The following SLF1 variants were observed in gnomAD, a reference collection of about 807,000 sequenced individuals.
SLF1 encodes SMC5-SMC6 complex localization factor protein 1.
A neutral mutation model predicts 123.0 loss-of-function variants in SLF1; 105 were observed. The ratio of observed to expected loss-of-function variants is 0.85; its 90% CI spans 0.73 to 1.00. SLF1 has a LOEUF of 1.00. Among genes scored for constraint, SLF1 ranks in the 50% least tolerant of loss-of-function variants. SLF1 has a pLI of 0.00. For synonymous variants in SLF1, 434 were observed against 406.6 expected (o/e 1.07, Z -0.81); for missense variants, 1,239 against 1,223.0 (o/e 1.01, Z -0.20).
rs753993520 is a variant in SLF1 at position 94,689,514 on chromosome 5, T to G, written c.2327T>G (p.Leu776Trp). 6.2e-7 allele frequency: 1 copy of G among 1,612,564 alleles called. No individual in the cohort carries two copies. Among genetic ancestry groups the G allele is most frequent in the Admixed American group, 1.7e-5 (1 of 59,910 alleles). Residue 776 changes from leucine to tryptophan, a missense_variant, in exon 18 of 21, where the codon TTG becomes TGG. Transcript: ENST00000265140. ...LAKCSSSLKK[L>W]KKKSEGELSC... ...AAATGTTCCTCATCATTAAAAAAATTGAAAAAGAAGTCAGAAGGAGAATTG... is the reference window on the plus strand; with the variant it reads ...AAATGTTCCTCATCATTAAAAAAATGGAAAAAGAAGTCAGAAGGAGAATTG...
In SLF1 at chr5:94,692,160, G is replaced by C. The variant is rs1215647972; in HGVS notation, c.2599G>C (p.Val867Leu). 3 of 1,613,926 alleles carry C rather than the reference G, an allele frequency of 1.9e-6. No individual in the cohort carries two copies. The highest frequency in any genetic ancestry group is 2.5e-6 in the Non-Finnish European group (3 of 1,179,852). Residue 867 changes from valine to leucine, a missense_variant, in exon 20 of 21, where the codon GTA becomes CTA. By Grantham distance (32) the Val-to-Leu change is conservative. Transcript: ENST00000265140. ...GGAAATTTTGCAACGTTGTCCAGAG[G>C]TAGATCTGCTCACTCAAGTGGACGG... ...VQEILQRCPE[V>L]DLLTQVDGVT...
intron 5 of SLF1, among the ~76,000 whole-genome samples, chr5:94,644,436 C>T (rs192881900): frequency 1.8e-3 from 269 of 152,274 alleles, no homozygotes; most frequent in African/African-American, 5.8e-3. Flanking sequence ...ATCTCTAATA[C>T]GGCTTACAAG....
At chr5:94,661,943 A>G (rs2152485653) in intron 9 of SLF1, among the ~76,000 whole-genome samples, 1 of 152,312 alleles carries the variant, frequency 6.6e-6, no homozygotes, top group South Asian at 2.1e-4. Flanking sequence ...ACATATGGTT[A>G]TATAGCAAAC....
At chr5:94,625,571 T>C (rs12652705) in intron 1 of SLF1, among the ~76,000 whole-genome samples, 33,680 of 151,580 alleles carry the variant, frequency 0.22, 3,859 homozygotes, top group East Asian at 0.34. Flanking sequence ...TTAGTAGAGA[T>C]GGGGTTTCAC....
intron 14 of SLF1, among the ~76,000 whole-genome samples, chr5:94,677,421 T>C (rs552663237): frequency 3.3e-5 from 5 of 152,280 alleles, no homozygotes; most frequent in South Asian, 4.1e-4. Flanking sequence ...TAATATTAGA[T>C]CTATTAGTTA....
At chr5:94,651,559 G>A (rs1747726339) in intron 6 of SLF1, 143 bp from the exon 7 acceptor site, 1 of 493,692 alleles carries the variant, frequency 2.0e-6, no homozygotes, top group Non-Finnish European at 3.4e-6. Context: ...TAATTCAGAG[G>A]GTTCTTTACT....
At position 94,686,697 on chromosome 5, in the gene SLF1, G is replaced by GCC. The variant is rs1752465303; in HGVS notation, c.2101_2102dup (p.Leu702HisfsTer32). The GCC allele has an allele frequency of 1.2e-6, 2 of 1,613,940 alleles. No homozygotes were observed. Among genetic ancestry groups the GCC allele is most frequent in the Non-Finnish European group, 8.5e-7 (1 of 1,179,928 alleles). ...AGAGCTCTGGCAGTGTTTCTTCTGAGCCACTCTCTCTTCAGAAAATGGTAA... is the reference window on the plus strand; with the variant it reads ...AGAGCTCTGGCAGTGTTTCTTCTGAGCCCCACTCTCTCTTCAGAAAATGGTAA... On this transcript the variant is annotated frameshift_variant, in exon 16 of 21. Coordinates refer to ENST00000265140, the MANE Select transcript of SLF1 (RefSeq NM_032290.4). LOFTEE classifies it high-confidence loss of function.
In SLF1 at chr5:94,663,866, T is replaced by C; in HGVS notation, c.1326T>C (p.Pro442=). The change falls in exon 11 of 21, where the codon CCT becomes CCC. Residue 442 remains proline, a synonymous_variant. Transcript: ENST00000265140. ...CCACTTTGCAGGCACATTATATCCC[T>C]CCTGTATGCGTTCTTCATGCCCTTC... ...ELSTLQAHYI[P]PVCVLHALLE... is the part of the protein sequence containing the mutation. The C allele has an allele frequency of 1.3e-6, 2 of 1,548,052 alleles. No homozygotes were observed. Among genetic ancestry groups the C allele is most frequent in the Non-Finnish European group, 1.7e-6 (2 of 1,145,936 alleles).
At chr5:94,623,244 C>G (rs17328588) in intron 1 of SLF1, among the ~76,000 whole-genome samples, 12,430 of 152,100 alleles carry the variant, frequency 0.082, 561 homozygotes, top group South Asian at 0.12. Flanking sequence ...TTTTGGGAAA[C>G]TCCATACCAC....
chr5:94,651,160 T>G (rs1747677304), intron 6 of SLF1, among the ~76,000 whole-genome samples: 1 of 152,202 alleles, frequency 6.6e-6, no homozygotes, highest in Non-Finnish European at 1.5e-5. Flanking sequence ...TAACATGTCA[T>G]AAAGATTTGT....
intron 12 of SLF1, among the ~76,000 whole-genome samples, chr5:94,666,462 C>A (rs184175685): frequency 2.6e-5 from 4 of 151,974 alleles, no homozygotes; most frequent in Non-Finnish European, 5.9e-5. Flanking sequence ...TTAATATTTC[C>A]TAAATATGTC....
At chr5:94,656,813 A>T (rs1257190101) in intron 9 of SLF1, among the ~76,000 whole-genome samples, 1 of 151,072 alleles carries the variant, frequency 6.6e-6, no homozygotes, top group African/African-American at 2.4e-5. Context: ...TGTGATATCA[A>T]TTATAATGTG....
At chr5:94,666,372 A>G (rs1749756019) in intron 12 of SLF1, among the ~76,000 whole-genome samples, 1 of 152,208 alleles carries the variant, frequency 6.6e-6, no homozygotes, top group African/African-American at 2.4e-5. Context: ...CCAAAAGTGT[A>G]GACATTTGTA....
At chr5:94,690,255 T>TTTG (rs770882237) in intron 18 of SLF1, among the ~76,000 whole-genome samples, 1 of 152,178 alleles carries the variant, frequency 6.6e-6, no homozygotes, top group Non-Finnish European at 1.5e-5. Context: ...CTGAGTCTTT[T>TTTG]TTGTTGTTGT....
At chr5:94,675,099 T>G (rs1000440133) in intron 14 of SLF1, among the ~76,000 whole-genome samples, 4 of 152,214 alleles carry the variant, frequency 2.6e-5, no homozygotes, top group African/African-American at 9.6e-5. Context: ...CAGAGTAGTT[T>G]GTCACATATT....
intron 1 of SLF1, among the ~76,000 whole-genome samples, chr5:94,626,812 C>T (rs998601463): frequency 4.6e-5 from 7 of 152,138 alleles, no homozygotes; most frequent in African/African-American, 1.7e-4. Flanking sequence ...ACCTTCTTTG[C>T]AAATATGCAG....
intron 3 of SLF1, among the ~76,000 whole-genome samples, chr5:94,629,895 A>G (rs978862785): frequency 9.2e-5 from 14 of 152,236 alleles, no homozygotes; most frequent in African/African-American, 3.1e-4. Flanking sequence ...CTGTAATCCT[A>G]GCACTTTGGG....
chr5:94,651,770 AT>A lies in SLF1; in HGVS notation c.809del (p.Phe270SerfsTer8). On this transcript the variant is annotated frameshift_variant, in exon 7 of 21. Coordinates refer to ENST00000265140, the MANE Select transcript of SLF1 (RefSeq NM_032290.4). LOFTEE classifies it high-confidence loss of function. ...ILIQHHKKEKFSGSSKDLKFV... is the reference protein window; with the variant it reads ...ILIQHHKKEKXSGSSKDLKFV... ...TGATTCAACATCACAAAAAAGAAAA[AT>A]TCAGTGGTTCCAGTAAAGATTTGAA... 8 of 1,529,870 alleles carry A rather than the reference AT, an allele frequency of 5.2e-6. No homozygotes were observed. Among genetic ancestry groups the A allele is most frequent in the Non-Finnish European group, 7.1e-6 (8 of 1,134,480 alleles). The allele number at this position is 1,529,870 out of a possible 1,614,324, so 94.8% of individuals were successfully genotyped here.
intron 7 of SLF1, among the ~76,000 whole-genome samples, chr5:94,652,289 G>A (rs904667855): frequency 3.9e-5 from 6 of 152,128 alleles, no homozygotes; most frequent in South Asian, 2.1e-4. Context: ...GATTACAGGC[G>A]TGAGCCACTG....
Sources: allele counts gnomAD v4.1 joint callset (sites outside exome capture counted in the v4.1 genomes callset), GRCh38; gene constraint gnomAD v4.1.1; transcripts MANE v1.5; gene names NCBI Gene and HGNC (gene_info 2026-07-23, HGNC 2026-07-21).